Variants in SYNE3 observed in about 807,000 individuals in gnomAD.
The protein encoded by SYNE3 is nesprin-3.
A neutral mutation model predicts 111.2 loss-of-function variants in SYNE3; 100 were observed. The observed-to-expected ratio is 0.90, with a 90% CI of 0.77 to 1.06. SYNE3 has a LOEUF of 1.06. Among genes scored for constraint, SYNE3 ranks in the 50% least tolerant of loss-of-function variants. The probability of loss-of-function intolerance (pLI) is 0.00; values close to 1 mark genes in which losing one functional copy is unlikely to be tolerated. For missense variants in SYNE3, 1,160 were observed against 1,240.3 expected (o/e 0.94, Z 0.97); for synonymous variants, 547 against 533.9 (o/e 1.02, Z -0.34).
Position 95,444,589 on chromosome 14 carries a change from C to T in SYNE3, c.1672G>A (p.Glu558Lys), listed in dbSNP as rs1566964812. The T allele has an allele frequency of 1.2e-6, 2 of 1,612,304 alleles. No homozygotes were observed. The highest frequency in any genetic ancestry group is 2.2e-5 in the South Asian group (2 of 90,972). The change falls in exon 10 of 18, where the codon GAG (glutamate) becomes AAG (lysine). Residue 558 changes from glutamate to lysine, a missense_variant. By Grantham distance (56) the Glu-to-Lys change is moderately conservative (BLOSUM62 1). Transcript: ENST00000682763. ...AQHKDFGAAF[E>K]PLQRKLLDLQ... ...TCCAAGAGCTTCCTCTGCAGGGGCT[C>T]AAAAGCTGCTCCAAAGTCTTTGTGC...
chr14:95,445,295 GTCC>G (rs2139407809), intron 9 of SYNE3, among the ~76,000 whole-genome samples: 1 of 152,282 alleles, frequency 6.6e-6, no homozygotes, highest in African/African-American at 2.4e-5. Context: ...CTGCTTCAGT[GTCC>G]TCGTGTGTAA....
rs1950085426 is a variant in SYNE3 at position 95,452,153 on chromosome 14, A to G, written c.1274+94T>C. 5 of 1,389,592 alleles carry G rather than the reference A, an allele frequency of 3.6e-6. 1 individual carries two copies. Among genetic ancestry groups the G allele is most frequent in the East Asian group, 4.8e-5 (2 of 41,658 alleles). 86.1% of individuals were successfully genotyped at this position (1,389,592 alleles called of 1,614,324 possible). A position where few individuals can be genotyped will look rare whatever the true frequency, so the allele number is the denominator to read the frequency against. ...TACAAAGAATGATTTAGAAGTTACT[A>G]TGTTGTAGGAGAAAGCAAGCCCGCC... On this transcript the variant is annotated intron_variant, in intron 7 of 17. Coordinates refer to ENST00000682763, the MANE Select transcript of SYNE3 (RefSeq NM_152592.6).
chr14:95,445,534 G>A (rs1886660910), intron 9 of SYNE3, among the ~76,000 whole-genome samples: 1 of 152,252 alleles, frequency 6.6e-6, no homozygotes, highest in South Asian at 2.1e-4. Flanking sequence ...ATTTTGAAAT[G>A]TGTCACTAAT....
intron 13 of SYNE3, 38 bp from the exon 14 acceptor site, chr14:95,439,200 T>G (rs755767118): frequency 6.2e-7 from 1 of 1,611,990 alleles, no homozygotes; most frequent in South Asian, 1.1e-5. Flanking sequence ...TGCAGAGATG[T>G]GGTGGGGACC....
chr14:95,509,879 C>A (rs1890661739), intron 1 of SYNE3, among the ~76,000 whole-genome samples: 1 of 152,212 alleles, frequency 6.6e-6, no homozygotes, highest in Admixed American at 6.5e-5. Context: ...ATCAGTGAAA[C>A]AAACTCTTAG....
At position 95,416,608 on chromosome 14, in the gene SYNE3, C is replaced by A. The variant is rs1440786165; in HGVS notation, c.*1218G>T. ...TGGTGCATGGAGCCCAGCTCGCCTA[C>A]ACCTGGCTGGAGAGGGCCTGGTTTT... On this transcript the variant is annotated 3_prime_UTR_variant, in exon 18 of 18. Coordinates refer to ENST00000682763, the MANE Select transcript of SYNE3 (RefSeq NM_152592.6). 1 of 152,296 alleles carries A rather than the reference C, an allele frequency of 6.6e-6. No homozygotes were observed. The highest frequency in any genetic ancestry group is 1.9e-4 in the East Asian group (1 of 5,198). 9.4% of individuals were successfully genotyped at this position (152,296 alleles called of 1,614,324 possible). A position where few individuals can be genotyped will look rare whatever the true frequency, so the allele number is the denominator to read the frequency against.
intron 1 of SYNE3, among the ~76,000 whole-genome samples, chr14:95,501,737 C>T (rs991279524): frequency 6.6e-6 from 1 of 152,156 alleles, no homozygotes; most frequent in Non-Finnish European, 1.5e-5. Context: ...GGGGAAGCAA[C>T]AAGATGTGCA....
chr14:95,433,502 C>T (rs1026313428), intron 15 of SYNE3, 93 bp from the exon 16 acceptor site: 1 of 1,537,368 alleles, frequency 6.5e-7, no homozygotes, highest in Admixed American at 1.9e-5. Context: ...TTTCACTTGA[C>T]AGACAGGTAG....
At chr14:95,495,187 C>G (rs547806029) in intron 1 of SYNE3, among the ~76,000 whole-genome samples, 2 of 152,158 alleles carry the variant, frequency 1.3e-5, no homozygotes, top group Non-Finnish European at 2.9e-5. Context: ...TTCTCAAGAA[C>G]TGATTAAGCT....
chr14:95,499,045 G>A (rs1223913996), intron 1 of SYNE3, among the ~76,000 whole-genome samples: 1 of 152,190 alleles, frequency 6.6e-6, no homozygotes, highest in East Asian at 1.9e-4. Flanking sequence ...AGTTCTTGGC[G>A]GGAGTGAATC....
intron 4 of SYNE3, 80 bp downstream of exon 4, chr14:95,465,851 A>G: frequency 7.0e-7 from 1 of 1,437,270 alleles, no homozygotes; most frequent in Non-Finnish European, 9.3e-7. Flanking sequence ...ATAGTAGGCA[A>G]ACAGTGGCTG....
At chr14:95,479,795 C>T (rs1001882161) in intron 1 of SYNE3, among the ~76,000 whole-genome samples, 1 of 152,140 alleles carries the variant, frequency 6.6e-6, no homozygotes, top group African/African-American at 2.4e-5. Context: ...GGCTGGGAGG[C>T]ACTGCCTGCT....
chr14:95,444,930 A>G (rs968511656), intron 9 of SYNE3, among the ~76,000 whole-genome samples: 2 of 152,124 alleles, frequency 1.3e-5, no homozygotes, highest in African/African-American at 4.8e-5. Context: ...TTTTATAGGA[A>G]CCCAGCCATG....
At chr14:95,458,552 G>T (rs752582172) in intron 4 of SYNE3, among the ~76,000 whole-genome samples, 1 of 152,062 alleles carries the variant, frequency 6.6e-6, no homozygotes, top group Admixed American at 6.5e-5. Flanking sequence ...GTAACCAACT[G>T]CAGTACTAAC....
rs1903367753 is a variant in SYNE3 at position 95,409,183 on chromosome 14, T to C, written c.*8643A>G. Reference sequence around the variant, plus strand: ...CACTGGGCTCGGAGCCAGTCATGCCTGGGTACAAGTCCCAAATTTACCACT... The same window carrying C: ...CACTGGGCTCGGAGCCAGTCATGCCCGGGTACAAGTCCCAAATTTACCACT... On this transcript the variant is annotated 3_prime_UTR_variant, in exon 18 of 18. Transcript: ENST00000682763. 3 of 456,666 alleles carry C rather than the reference T, an allele frequency of 6.6e-6. No individual in the cohort carries two copies. Among genetic ancestry groups the C allele is most frequent in the South Asian group, 1.5e-5 (1 of 64,576 alleles). The allele number at this position is 456,666 out of a possible 1,614,324, so 28.3% of individuals were successfully genotyped here.
At chr14:95,472,077 A>G (rs1435342599) in intron 2 of SYNE3, among the ~76,000 whole-genome samples, 2 of 152,232 alleles carry the variant, frequency 1.3e-5, no homozygotes, top group Admixed American at 1.3e-4. Flanking sequence ...TCAGGGAGGG[A>G]TGGGAGAAAT....
intron 2 of SYNE3, among the ~76,000 whole-genome samples, chr14:95,471,806 C>T (rs1391321067): frequency 6.6e-6 from 1 of 152,138 alleles, no homozygotes; most frequent in East Asian, 1.9e-4. Flanking sequence ...TCCAATTTGT[C>T]GCAGCCAATG....
At chr14:95,482,387 T>G (rs371802436) in intron 1 of SYNE3, among the ~76,000 whole-genome samples, 1 of 152,158 alleles carries the variant, frequency 6.6e-6, no homozygotes, top group Admixed American at 6.5e-5. Context: ...TGAGAAGAGA[T>G]TGCGCCACTG....
rs759663814 is a variant in SYNE3 at position 95,455,781 on chromosome 14, G to A, written c.790-57C>T. The A allele has an allele frequency of 1.9e-6, 3 of 1,555,798 alleles. No individual in the cohort carries two copies. In the South Asian group the frequency reaches 3.4e-5, roughly 18 times the overall value. ...GGCAGGGAAAAAGAATACAGTTGCT[G>A]CATTTTCCAGAGCAGACCTGGGACT... is the stretch of plus-strand genomic sequence containing the variant. On this transcript the variant is annotated intron_variant, in intron 5 of 17. Coordinates refer to ENST00000682763, the MANE Select transcript of SYNE3 (RefSeq NM_152592.6).
Sources: gnomAD v4.1 joint callset for allele counts (sites outside exome capture counted in the v4.1 genomes callset) on GRCh38, gnomAD v4.1.1 for gene constraint, MANE v1.5 for transcripts, NCBI Gene and HGNC (gene_info 2026-07-23, HGNC 2026-07-21) for gene names.